Variants in FBXO4 observed in about 807,000 individuals in gnomAD.
FBXO4 encodes F-box only protein 4.
FBXO4 carries 36 observed loss-of-function variants against 43.7 expected under a neutral mutation model. That is an observed-to-expected ratio of 0.82 (90% confidence interval 0.63 to 1.09). The LOEUF is 1.09. Among genes scored for constraint, FBXO4 ranks in the 50% least tolerant of loss-of-function variants. The pLI, the probability that FBXO4 is intolerant of heterozygous loss-of-function variation, is 0.00. For synonymous variants in FBXO4, 180 were observed against 165.6 expected (o/e 1.09, Z -0.67); for missense variants, 435 against 474.1 (o/e 0.92, Z 0.77).
chr5:41,979,812 T>C, the FBXO4 span, among the ~76,000 whole-genome samples: 3 of 152,214 alleles, frequency 2.0e-5, no homozygotes, highest in Non-Finnish European at 4.4e-5. Flanking sequence ...TTCATCCTTC[T>C]GCTAAAGTGT....
the FBXO4 span, among the ~76,000 whole-genome samples, chr5:42,006,887 G>GATATATATATATATAT: frequency 0.031 from 2,405 of 78,640 alleles, 143 homozygotes; most frequent in African/African-American, 0.042. Flanking sequence ...GGTTCATGCT[G>GATATATATATATATAT]ATATATATAT....
At chr5:42,025,384 C>T in the FBXO4 span, among the ~76,000 whole-genome samples, 1 of 151,370 alleles carries the variant, frequency 6.6e-6, no homozygotes, top group Admixed American at 6.6e-5. Context: ...AGATCTTTTG[C>T]CCATTTTGAT....
the FBXO4 span, among the ~76,000 whole-genome samples, chr5:42,004,345 T>C: frequency 6.6e-6 from 1 of 152,250 alleles, no homozygotes; most frequent in African/African-American, 2.4e-5. Flanking sequence ...AAACAAAAGA[T>C]CAAAATAATA....
the FBXO4 span, among the ~76,000 whole-genome samples, chr5:42,027,633 G>A: frequency 6.6e-6 from 1 of 151,526 alleles, no homozygotes; most frequent in Non-Finnish European, 1.5e-5. Flanking sequence ...TGCATCATTA[G>A]GTTCTTTATT....
chr5:41,925,671 G>C, intron 1 of FBXO4, among the ~76,000 whole-genome samples, 173 bp downstream of exon 1: 1 of 151,924 alleles, frequency 6.6e-6, no homozygotes, highest in East Asian at 1.9e-4. Flanking sequence ...GATCAGAAGC[G>C]TCTTGGCGTG....
At chr5:41,959,398 T>C in the FBXO4 span, among the ~76,000 whole-genome samples, 1 of 152,084 alleles carries the variant, frequency 6.6e-6, no homozygotes, top group African/African-American at 2.4e-5. Context: ...TTCACTTTGG[T>C]AGAATTCTAT....
the FBXO4 span, among the ~76,000 whole-genome samples, chr5:41,963,555 CAT>C: frequency 6.6e-6 from 1 of 152,074 alleles, no homozygotes; most frequent in Non-Finnish European, 1.5e-5. Context: ...AGTCAATTAA[CAT>C]ATATTTTGTA....
chr5:42,011,645 T>C, the FBXO4 span, among the ~76,000 whole-genome samples: 2 of 152,210 alleles, frequency 1.3e-5, no homozygotes, highest in Non-Finnish European at 2.9e-5. Flanking sequence ...TTTCTCATTA[T>C]TATAAGAAAC....
the FBXO4 span, among the ~76,000 whole-genome samples, chr5:42,013,616 T>C: frequency 6.6e-6 from 1 of 152,206 alleles, no homozygotes; most frequent in Admixed American, 6.5e-5. Flanking sequence ...TCACTTCTAT[T>C]TCTCCAATCC....
At chr5:41,961,648 C>G in the FBXO4 span, among the ~76,000 whole-genome samples, 1 of 152,166 alleles carries the variant, frequency 6.6e-6, no homozygotes, top group Non-Finnish European at 1.5e-5. Flanking sequence ...GTATCTAAGT[C>G]AGTACCTGGA....
chr5:41,999,555 ATATATATG>A, the FBXO4 span, among the ~76,000 whole-genome samples: 13 of 122,258 alleles, frequency 1.1e-4, no homozygotes, highest in African/African-American at 4.6e-4. Flanking sequence ...GTATATATAT[ATATATATG>A]TATATATATA....
the FBXO4 span, among the ~76,000 whole-genome samples, chr5:42,010,834 C>T: frequency 6.6e-6 from 1 of 152,008 alleles, no homozygotes; most frequent in Non-Finnish European, 1.5e-5. Flanking sequence ...TTTAATTTTC[C>T]CATTTCCTGG....
rs2434595 is a variant in FBXO4, at chr5:41,928,542, C to G, written c.426-1155C>G. 9 of 152,544 alleles carry G rather than the reference C, an allele frequency of 5.9e-5. No individual in the cohort carries two copies. The East Asian group carries it at 7.7e-4, about 13-fold the overall frequency. The allele number at this position is 152,544 out of a possible 1,614,324, so 9.4% of individuals were successfully genotyped here. A position where few individuals can be genotyped will look rare whatever the true frequency, so the allele number is the denominator to read the frequency against. The stretch of plus-strand genomic sequence containing the variant: ...GTAGAGACGGGGTTTCACCGTGTTA[C>G]CCAGGATGGTCTTGATCTCCTGACC... On this transcript the variant is annotated intron_variant, in intron 2 of 6. Transcript: ENST00000281623.
At chr5:41,930,650 T>C (rs949927612) in intron 3 of FBXO4, among the ~76,000 whole-genome samples, 9 of 150,340 alleles carry the variant, frequency 6.0e-5, no homozygotes, top group Admixed American at 1.3e-4. Context: ...AACTACATTT[T>C]TTTCTTTCTT....
chr5:41,969,722 AG>A, the FBXO4 span, among the ~76,000 whole-genome samples: 1 of 152,154 alleles, frequency 6.6e-6, no homozygotes, highest in African/African-American at 2.4e-5. Context: ...TTCCTGGTGA[AG>A]CACCTCTTGG....
the FBXO4 span, among the ~76,000 whole-genome samples, chr5:41,974,023 G>A: frequency 5.1e-3 from 783 of 152,284 alleles, 8 homozygotes; most frequent in African/African-American, 0.018. Context: ...GAGAATTTTT[G>A]TTTTTCAGCA....
At position 41,934,322 on chromosome 5, in the gene FBXO4, T is replaced by A; in HGVS notation, c.898+14T>A. On this transcript the variant is annotated intron_variant, in intron 5 of 6. Coordinates refer to ENST00000281623, the MANE Select transcript of FBXO4 (RefSeq NM_012176.3). Reference sequence around the variant, plus strand: ...AAGCTCATAAAAGTAAGTACTCATATGTACATTTTTAAGCACATTGTTCTT... The same window carrying A: ...AAGCTCATAAAAGTAAGTACTCATAAGTACATTTTTAAGCACATTGTTCTT... The A allele has an allele frequency of 1.2e-6, 2 of 1,613,922 alleles. No individual in the cohort carries two copies. Among genetic ancestry groups the A allele is most frequent in the Non-Finnish European group, 1.7e-6 (2 of 1,179,982 alleles).
the FBXO4 span, among the ~76,000 whole-genome samples, chr5:41,980,189 T>TA: frequency 8.5e-4 from 130 of 152,166 alleles, no homozygotes; most frequent in African/African-American, 2.9e-3. Context: ...ATGTGTTAAA[T>TA]AAAAAAATTA....
At chr5:41,956,558 A>T in the FBXO4 span, among the ~76,000 whole-genome samples, 1 of 152,010 alleles carries the variant, frequency 6.6e-6, no homozygotes, top group South Asian at 2.1e-4. Context: ...TCATTTTTAT[A>T]GATTTTTTTT....
Sources: allele counts gnomAD v4.1 joint callset (sites outside exome capture counted in the v4.1 genomes callset), GRCh38; gene constraint gnomAD v4.1.1; transcripts MANE v1.5; gene names NCBI Gene and HGNC (gene_info 2026-07-23, HGNC 2026-07-21).